The following BORCS8 variants were observed in gnomAD, a reference collection of about 807,000 sequenced individuals.
BORCS8 encodes the protein BLOC-1 related complex subunit 8.
In BORCS8, 13 loss-of-function variants were observed where a neutral mutation model predicts 18.7. That is an observed-to-expected ratio of 0.70 (90% CI 0.45 to 1.11). The LOEUF is 1.11. BORCS8 is among the 50% of genes least tolerant of loss of function. The pLI, the probability that BORCS8 is intolerant of heterozygous loss-of-function variation, is 0.00. For missense variants in BORCS8, 165 were observed against 165.7 expected, an observed-to-expected ratio of 1.00 and a Z score of 0.02; for synonymous variants, 68 against 64.8, an observed-to-expected ratio of 1.05 and a Z score of -0.24.
intron 1 of BORCS8, among the ~76,000 whole-genome samples, chr19:19,190,577 T>C (rs535813498): frequency 2.0e-5 from 3 of 152,280 alleles, no homozygotes; most frequent in East Asian, 1.9e-4. Context: ...TCACCTGAGG[T>C]TGGGAGTTCG....
intron 5 of BORCS8, chr19:19,177,696 G>GGAAGGAAGAGAAAAA: frequency 2.7e-5 from 2 of 74,676 alleles, no homozygotes; most frequent in Admixed American, 3.4e-4. Context: ...AAGGAAGGAA[G>GGAAGGAAGAGAAAAA]AGAAAAGAAA....
chr19:19,182,545 A>C lies in BORCS8; in HGVS notation c.326+28T>G. On this transcript the variant is annotated intron_variant, in intron 4 of 5. Coordinates refer to ENST00000462790, the MANE Select transcript of BORCS8 (RefSeq NM_001145784.2). This position sits in a 1 kb window ranked among gnomAD's most constrained non-coding sequence, Gnocchi z 4.1. ...GACGGTCCTTGCAGCTGGGAGTGGC[A>C]GTGGGGGCGGGCGGTCCCAGGAGCT... The C allele has an allele frequency of 6.5e-7, 1 of 1,545,284 alleles. No individual in the cohort carries two copies. The highest frequency in any genetic ancestry group is 8.7e-7 in the Non-Finnish European group (1 of 1,144,864).
chr19:19,185,608 C>T (rs1349117865), intron 3 of BORCS8, among the ~76,000 whole-genome samples: 1 of 152,226 alleles, frequency 6.6e-6, no homozygotes, highest in Non-Finnish European at 1.5e-5. Flanking sequence ...ACTGCTTGGA[C>T]TTGAGAGGCG....
rs1171121434 is a variant in BORCS8, at chr19:19,192,052, C to T, written c.37+29G>A. 1.9e-6 allele frequency: 3 copies of T among 1,551,266 alleles called. 1 individual carries two copies. Among genetic ancestry groups the T allele is most frequent in the South Asian group, 2.4e-5 (2 of 84,036 alleles). ...CCGCCCCTCCACAAGTTACCGGCCCCCTCTGTCCCGCCCGCAGGCCCGCAC... is the reference window on the plus strand; with the variant it reads ...CCGCCCCTCCACAAGTTACCGGCCCTCTCTGTCCCGCCCGCAGGCCCGCAC... On this transcript the variant is annotated intron_variant, in intron 1 of 5. Transcript: ENST00000462790.
At chr19:19,191,656 T>G (rs1055052721) in intron 1 of BORCS8, among the ~76,000 whole-genome samples, 2 of 152,004 alleles carry the variant, frequency 1.3e-5, no homozygotes. Flanking sequence ...CCCACTGCAG[T>G]GCAGCCTTGA....
intron 1 of BORCS8, among the ~76,000 whole-genome samples, chr19:19,190,584 T>C (rs969580494): frequency 3.3e-5 from 5 of 151,940 alleles, no homozygotes; most frequent in African/African-American, 1.2e-4. Flanking sequence ...AGGTTGGGAG[T>C]TCGACACCAG....
At chr19:19,177,727 A>AGAAAG (rs2060313026) in intron 5 of BORCS8, 1 of 172,032 alleles carries the variant, frequency 5.8e-6, no homozygotes, top group African/African-American at 2.7e-5. Context: ...AGAAAAGAAA[A>AGAAAG]GAAAAGAAAA....
intron 1 of BORCS8, among the ~76,000 whole-genome samples, chr19:19,188,323 C>T (rs183454821): frequency 9.9e-5 from 15 of 151,898 alleles, no homozygotes; most frequent in Admixed American, 2.6e-4. Context: ...CCACCGCGCC[C>T]GGCTCATTTT....
intron 4 of BORCS8, among the ~76,000 whole-genome samples, chr19:19,181,266 G>T (rs2060347029): frequency 6.7e-6 from 1 of 150,222 alleles, no homozygotes; most frequent in Non-Finnish European, 1.5e-5. Context: ...TTGGGAGGCT[G>T]AGGCGAGAGA....
chr19:19,187,566 G>T (rs2060422588), intron 1 of BORCS8, among the ~76,000 whole-genome samples: 1 of 148,876 alleles, frequency 6.7e-6, no homozygotes, highest in Non-Finnish European at 1.5e-5. Flanking sequence ...TTGAGACAGA[G>T]TCTTGCTCTG....
intron 1 of BORCS8, among the ~76,000 whole-genome samples, chr19:19,191,017 G>T (rs1005926326): frequency 1.3e-5 from 2 of 152,166 alleles, no homozygotes; most frequent in Non-Finnish European, 2.9e-5. Context: ...GTGTAGGCCT[G>T]TATTATGTAT....
intron 1 of BORCS8, among the ~76,000 whole-genome samples, chr19:19,190,431 C>T (rs917217799): frequency 2.6e-5 from 4 of 152,234 alleles, no homozygotes; most frequent in African/African-American, 9.6e-5. Context: ...CCTTGAGTGG[C>T]AGAGCCCAGC....
intron 5 of BORCS8, chr19:19,179,787 G>A (rs1277749557): frequency 6.5e-6 from 1 of 152,870 alleles, no homozygotes; most frequent in Non-Finnish European, 1.5e-5. Flanking sequence ...TCTCCCATCT[G>A]GTCCTGGGCC....
intron 3 of BORCS8, among the ~76,000 whole-genome samples, chr19:19,185,596 G>C (rs1269959858): frequency 6.6e-6 from 1 of 152,220 alleles, no homozygotes; most frequent in African/African-American, 2.4e-5. Flanking sequence ...TGAAGCGGGA[G>C]AACTGCTTGG....
In BORCS8 at chr19:19,186,001, G is replaced by A. The variant is rs966478047; in HGVS notation, c.215+33C>T. ...GCCCAGGAGGCCAGAGCAGCAAAAG[G>A]TGGCCCTGCAGCGGGGAGGCTGTGG... is the stretch of plus-strand genomic sequence containing the variant. On this transcript the variant is annotated intron_variant, in intron 3 of 5. Coordinates refer to ENST00000462790, the MANE Select transcript of BORCS8 (RefSeq NM_001145784.2). 1.1e-5 allele frequency: 17 copies of A among 1,547,006 alleles called. No individual in the cohort carries two copies. The African/African-American group carries it at 2.2e-4, about 20-fold the overall frequency.
At chr19:19,177,602 C>G (rs1301317148) in intron 5 of BORCS8, 142 bp from the exon 6 acceptor site, 7 of 154,396 alleles carry the variant, frequency 4.5e-5, no homozygotes, top group African/African-American at 1.7e-4. Flanking sequence ...GCACTCCAGC[C>G]TGGATGACAG....
intron 3 of BORCS8, among the ~76,000 whole-genome samples, chr19:19,184,172 C>T (rs1333882317): frequency 6.6e-6 from 1 of 152,046 alleles, no homozygotes; most frequent in Non-Finnish European, 1.5e-5. Context: ...TGAGTCACTG[C>T]ACCCAGTTTC....
At chr19:19,189,366 G>A (rs1343626863) in intron 1 of BORCS8, among the ~76,000 whole-genome samples, 2 of 152,124 alleles carry the variant, frequency 1.3e-5, no homozygotes, top group Non-Finnish European at 2.9e-5. Context: ...TGCTTCCCCT[G>A]CTGCCAACAG....
At chr19:19,181,832 G>T in intron 4 of BORCS8, 1 of 982,304 alleles carries the variant, frequency 1.0e-6, no homozygotes, top group Non-Finnish European at 1.2e-6. Context: ...ATCTGTGGGA[G>T]CCAGACGCAT....
Sources: allele counts gnomAD v4.1 joint callset (sites outside exome capture counted in the v4.1 genomes callset), GRCh38; gene constraint gnomAD v4.1.1; non-coding constraint Gnocchi (gnomAD v3.1); transcripts MANE v1.5; gene names NCBI Gene and HGNC (gene_info 2026-07-23, HGNC 2026-07-21).